CEP164: variants seen among roughly 807,000 people sequenced by gnomAD.
The protein encoded by CEP164 is centrosomal protein of 164 kDa.
CEP164 carries 162 observed loss-of-function variants against 182.7 expected under a neutral mutation model. That is an observed-to-expected ratio of 0.89 (90% CI 0.78 to 1.01). The LOEUF is 1.01. CEP164 is among the 50% of genes least tolerant of loss of function. The pLI is 0.00. For synonymous variants in CEP164, 661 were observed against 690.0 expected (o/e 0.96, Z 0.66); for missense variants, 1,735 against 1,790.4 (o/e 0.97, Z 0.56).
Position 117,396,613 on chromosome 11 carries a change from T to G in CEP164, c.3278+2T>G. 6.2e-7 allele frequency: 1 copy of G among 1,609,850 alleles called. No individual in the cohort carries two copies. The highest frequency in any genetic ancestry group is 1.7e-5 in the Admixed American group (1 of 60,022). On this transcript the variant is annotated splice_donor_variant, in intron 26 of 32. Coordinates refer to ENST00000278935, the MANE Select transcript of CEP164 (RefSeq NM_014956.5). LOFTEE classifies it high-confidence loss of function. ...CAAGGAGGACTTATACTTGGACAGG[T>G]GAGTTCCCATAGCCTGTCTTATTTG... is the stretch of plus-strand genomic sequence containing the variant.
chr11:117,381,942 A>G, intron 13 of CEP164, 74 bp downstream of exon 13: 3 of 548,740 alleles, frequency 5.5e-6, no homozygotes, highest in Admixed American at 6.1e-5. Flanking sequence ...TATGTGTGCT[A>G]GTGCTGAGAG....
intron 25 of CEP164, 32 bp from the exon 26 acceptor site, chr11:117,396,518 A>C: frequency 6.3e-7 from 1 of 1,589,042 alleles, no homozygotes; most frequent in African/African-American, 1.3e-5. Flanking sequence ...CTTTTGCTAC[A>C]CTCAGTGGAC....
intron 24 of CEP164, 146 bp downstream of exon 24, chr11:117,395,868 A>G (rs2045366659): frequency 3.3e-6 from 4 of 1,221,090 alleles, no homozygotes; most frequent in Non-Finnish European, 3.4e-6. Context: ...TACATTTTGT[A>G]GGGAGTTGGG....
Position 117,411,198 on chromosome 11 carries a change from T to C in CEP164, c.4163+304T>C. 1 of 366,872 alleles carries C rather than the reference T, an allele frequency of 2.7e-6. No homozygotes were observed. The highest frequency in any genetic ancestry group is 5.1e-6 in the Non-Finnish European group (1 of 194,964). The allele number at this position is 366,872 out of a possible 1,614,324, so 22.7% of individuals were successfully genotyped here. ...GAGGAGTCAGCCCCTGGTGGGACCC[T>C]GCCCCCGCCCCTCCCTCTAGCCCCT... On this transcript the variant is annotated intron_variant, in intron 31 of 32. Transcript: ENST00000278935. This position sits in a 1 kb window ranked among gnomAD's most constrained non-coding sequence, Gnocchi z 4.4.
chr11:117,403,243 G>T (rs1003880285), intron 27 of CEP164, among the ~76,000 whole-genome samples: 2 of 152,234 alleles, frequency 1.3e-5, no homozygotes, highest in Admixed American at 1.3e-4. Context: ...CCCATTAGTT[G>T]ATGCAGTTTC....
intron 8 of CEP164, among the ~76,000 whole-genome samples, chr11:117,366,143 G>A (rs1406525903): frequency 1.3e-5 from 2 of 152,004 alleles, no homozygotes; most frequent in African/African-American, 4.8e-5. Context: ...CCTGTTGGGA[G>A]TGTTAGTGGT....
At chr11:117,327,119 T>C (rs1472317583), upstream of CEP164, among the ~76,000 whole-genome samples, 1 of 152,200 alleles carries the variant, frequency 6.6e-6, no homozygotes, top group Admixed American at 6.5e-5. Flanking sequence ...CTTGCAGACA[T>C]ACAAACTGAA....
intron 17 of CEP164, 102 bp from the exon 18 acceptor site, chr11:117,392,124 C>T: frequency 1.0e-6 from 1 of 986,094 alleles, no homozygotes; most frequent in Non-Finnish European, 1.5e-6. Context: ...TTCCCTTGAC[C>T]CTGATCTCGA....
chr11:117,406,866 C>T (rs991888909), intron 27 of CEP164, among the ~76,000 whole-genome samples: 4 of 151,996 alleles, frequency 2.6e-5, no homozygotes, highest in South Asian at 2.1e-4. Context: ...GAGGCCGGGG[C>T]GGGTGGATCA....
At chr11:117,352,106 C>A in intron 5 of CEP164, 118 bp downstream of exon 5, 1 of 834,186 alleles carries the variant, frequency 1.2e-6, no homozygotes, top group Non-Finnish European at 1.9e-6. Context: ...ATGGTAAATT[C>A]TTGATAGTAT....
intron 4 of CEP164, among the ~76,000 whole-genome samples, chr11:117,344,568 T>C (rs1357447980): frequency 6.6e-6 from 1 of 151,998 alleles, no homozygotes; most frequent in East Asian, 1.9e-4. Flanking sequence ...TGCTGAGGGG[T>C]TGTTGTTACT....
At chr11:117,403,403 AT>A (rs921928121) in intron 27 of CEP164, among the ~76,000 whole-genome samples, 2 of 151,994 alleles carry the variant, frequency 1.3e-5, no homozygotes, top group Admixed American at 1.3e-4. Flanking sequence ...GTCTGTATGG[AT>A]TTTATTTCTG....
At chr11:117,410,141 G>A (rs996448767) in intron 30 of CEP164, 176 bp downstream of exon 30, 2 of 735,290 alleles carry the variant, frequency 2.7e-6, no homozygotes, top group African/African-American at 1.7e-5. Flanking sequence ...TCTACCTGTG[G>A]GTCCCTGGGG....
Position 117,410,874 on chromosome 11 carries a change from G to T in CEP164, c.4143G>T (p.Arg1381Ser). ...LSNSPTPLES[R>S]LGYMSASEQL... ...ACAGCCCCACCCCGCTGGAGAGCAG[G>T]CTGGGTTACATGTCTGCCAGGTGAG... is the stretch of plus-strand genomic sequence containing the variant. Residue 1381 changes from arginine to serine, a missense_variant, in exon 31 of 33, where the codon AGG becomes AGT. Physicochemically the swap from Arg to Ser is moderately radical, Grantham distance 110. Transcript: ENST00000278935. 6.2e-7 allele frequency: 1 copy of T among 1,613,240 alleles called. No homozygotes were observed. The highest frequency in any genetic ancestry group is 1.1e-5 in the South Asian group (1 of 90,754).
chr11:117,359,993 A>G (rs1324752738), intron 5 of CEP164, among the ~76,000 whole-genome samples: 1 of 152,186 alleles, frequency 6.6e-6, no homozygotes, highest in Non-Finnish European at 1.5e-5. Context: ...CCTTGCTTGC[A>G]GGAAGGAGAA....
chr11:117,369,188 G>GT (rs2041954035), intron 8 of CEP164, among the ~76,000 whole-genome samples: 1 of 152,200 alleles, frequency 6.6e-6, no homozygotes, highest in South Asian at 2.1e-4. Flanking sequence ...ATTACATAAC[G>GT]TAAGTTAACA....
chr11:117,382,834 G>A lies in CEP164; in HGVS notation c.1616G>A (p.Gly539Asp), dbSNP rs200464405. The A allele has an allele frequency of 2.5e-6, 4 of 1,614,132 alleles. No individual in the cohort carries two copies. Among genetic ancestry groups the A allele is most frequent in the African/African-American group, 1.3e-5 (1 of 75,052 alleles). The change falls in exon 14 of 33, where the codon GGC (glycine) becomes GAC (aspartate). Residue 539 changes from glycine to aspartate, a missense_variant. Coordinates refer to ENST00000278935, the MANE Select transcript of CEP164 (RefSeq NM_014956.5). ...APSPPAACEK[G>D]KEQHSQAEEL... ...AGCCCACCTGCTGCCTGTGAGAAGG[G>A]CAAGGAGCAGCATTCCCAGGCCGAG...
chr11:117,371,566 A>G, intron 9 of CEP164, 100 bp downstream of exon 9: 2 of 1,428,548 alleles, frequency 1.4e-6, no homozygotes, highest in Non-Finnish European at 1.9e-6. Flanking sequence ...TTACTGAGTC[A>G]GGAGCTTCAT....
intron 17 of CEP164, 125 bp downstream of exon 17, chr11:117,391,340 G>A: frequency 1.2e-6 from 1 of 855,458 alleles, no homozygotes; most frequent in Non-Finnish European, 1.8e-6. Flanking sequence ...GCCAGGTGGA[G>A]AGTAGGTCTC....
Sources: gnomAD v4.1 joint callset for allele counts (sites outside exome capture counted in the v4.1 genomes callset) on GRCh38, gnomAD v4.1.1 for gene constraint, Gnocchi (gnomAD v3.1) non-coding constraint, MANE v1.5 for transcripts, NCBI Gene and HGNC (gene_info 2026-07-23, HGNC 2026-07-21) for gene names.